PFN4: variants seen among roughly 807,000 people sequenced by gnomAD.
PFN4 encodes profilin family member 4.
Under a neutral mutation model 16.3 loss-of-function variants are expected in PFN4, and 10 were observed. That is an observed-to-expected ratio of 0.61 (90% CI 0.38 to 1.04). The LOEUF (loss-of-function observed/expected upper bound fraction) is 1.04, where lower values mean the gene tolerates loss of function less well. Among genes scored for constraint, PFN4 ranks in the 50% least tolerant of loss-of-function variants. PFN4 has a pLI of 0.01. For synonymous variants in PFN4, 54 were observed against 56.9 expected, an observed-to-expected ratio of 0.95 and a Z score of 0.23; for missense variants, 136 against 153.6, an observed-to-expected ratio of 0.89 and a Z score of 0.61.
intron 4 of PFN4, among the ~76,000 whole-genome samples, chr2:24,117,787 T>A (rs966597370): frequency 1.3e-5 from 2 of 152,180 alleles, no homozygotes; most frequent in African/African-American, 2.4e-5. Context: ...TCACGTATAA[T>A]TTTTTAGATA....
chr2:24,120,777 A>C (rs897530538), intron 3 of PFN4, among the ~76,000 whole-genome samples: 9 of 151,684 alleles, frequency 5.9e-5, no homozygotes, highest in Middle Eastern at 3.4e-3. Flanking sequence ...CTGGTCTTGA[A>C]CTCCTGACCT....
chr2:24,121,099 G>C, intron 3 of PFN4, 64 bp downstream of exon 3: 1 of 1,588,752 alleles, frequency 6.3e-7, no homozygotes, highest in Non-Finnish European at 8.6e-7. Flanking sequence ...ATCAGGCAGA[G>C]CAAGGAAATT....
Position 24,121,886 on chromosome 2 carries a change from C to T in PFN4, c.117+533G>A, listed in dbSNP as rs184503558. 1.0e-3 allele frequency among the ~76,000 whole-genome samples: 157 copies of T among 152,262 alleles called. 1 individual carries two copies. The highest frequency in any genetic ancestry group is 8.8e-4 in the Non-Finnish European group (60 of 68,016). ...AGCAGCCTGAGGCTTTCACAGATGA[C>T]CAGTCTTCCAGGCAGTAGAACTGTG... On this transcript the variant is annotated intron_variant, in intron 2 of 4. Transcript: ENST00000313213.
chr2:24,122,598 G>A, intron 1 of PFN4, 51 bp from the exon 2 acceptor site: 1 of 1,115,992 alleles, frequency 9.0e-7, no homozygotes, highest in Non-Finnish European at 1.4e-6. Flanking sequence ...GCTTTTAAAA[G>A]GCATGTGAAT....
At chr2:24,116,046 C>T (rs768436891) in intron 4 of PFN4, among the ~76,000 whole-genome samples, 5 of 151,940 alleles carry the variant, frequency 3.3e-5, no homozygotes, top group Non-Finnish European at 2.9e-5. Flanking sequence ...AAACTGATTA[C>T]GGCCAAGTGT....
intron 3 of PFN4, 144 bp downstream of exon 3, chr2:24,121,019 C>G: frequency 1.9e-6 from 2 of 1,071,976 alleles, no homozygotes; most frequent in Non-Finnish European, 2.7e-6. Context: ...ATATGTCTTC[C>G]TGGCACTAGA....
chr2:24,121,278 G>T lies in PFN4; in HGVS notation c.140C>A (p.Thr47Lys). 4 of 1,614,148 alleles carry T rather than the reference G, an allele frequency of 2.5e-6. No homozygotes were observed. Among genetic ancestry groups the T allele is most frequent in the Non-Finnish European group, 3.4e-6 (4 of 1,180,030 alleles). Residue 47 changes from threonine to lysine, a missense_variant, in exon 3 of 5, where the codon ACA becomes AAA. Physicochemically the swap from Thr to Lys is moderately conservative, Grantham distance 78. Transcript: ENST00000313213. ...GTTCTTGGCAAATCCATTCACCAGT[G>T]TTCGGACATCACTGGGCGTTACCTG... ...GFNVTPSDVR[T>K]LVNGFAKNPL...
intron 4 of PFN4, among the ~76,000 whole-genome samples, chr2:24,116,148 G>A (rs1440606532): frequency 6.6e-6 from 1 of 151,978 alleles, no homozygotes; most frequent in Non-Finnish European, 1.5e-5. Flanking sequence ...CTAACATGGT[G>A]AAAATTCATC....
rs200145580 is a variant in PFN4, at chr2:24,121,296, G to C, written c.122C>G (p.Thr41Arg). The C allele has an allele frequency of 6.2e-7, 1 of 1,613,964 alleles. No homozygotes were observed. The highest frequency in any genetic ancestry group is 8.5e-7 in the Non-Finnish European group (1 of 1,179,894). ...LCVASPGFNV[T>R]PSDVRTLVNG... ...CACCAGTGTTCGGACATCACTGGGC[G>C]TTACCTGGAGAGGTTACATGGTTAG... Residue 41 changes from threonine to arginine, a missense_variant, in exon 3 of 5, where the codon ACG becomes AGG. Coordinates refer to ENST00000313213, the MANE Select transcript of PFN4 (RefSeq NM_199346.3).
rs978508782 is a variant in PFN4 at position 24,115,248 on chromosome 2, A to G, written c.*335T>C. On this transcript the variant is annotated 3_prime_UTR_variant, in exon 5 of 5. Transcript: ENST00000313213. Reference sequence around the variant, plus strand: ...CTAACCCTGAGAAATGTCTTGGATAAAGAGTGGTGAGAGCCTTGCATTCTT... The same window carrying G: ...CTAACCCTGAGAAATGTCTTGGATAGAGAGTGGTGAGAGCCTTGCATTCTT... 4.1e-6 allele frequency: 1 copy of G among 245,608 alleles called. No homozygotes were observed. Among genetic ancestry groups the G allele is most frequent in the African/African-American group, 2.2e-5 (1 of 45,084 alleles). 15.2% of individuals were successfully genotyped at this position (245,608 alleles called of 1,614,324 possible).
At chr2:24,115,740 C>G in intron 4 of PFN4, 129 bp from the exon 5 acceptor site, 1 of 971,086 alleles carries the variant, frequency 1.0e-6, no homozygotes, top group Non-Finnish European at 1.6e-6. Context: ...GTGCTAGGTA[C>G]TGGAGAAACA....
intron 4 of PFN4, among the ~76,000 whole-genome samples, chr2:24,117,113 C>T (rs755793120): frequency 6.1e-5 from 9 of 148,582 alleles, no homozygotes; most frequent in Non-Finnish European, 1.0e-4. Flanking sequence ...CCTCTCCGTT[C>T]AAGTGATTCT....
chr2:24,116,538 G>A (rs975295591), intron 4 of PFN4, among the ~76,000 whole-genome samples: 2 of 152,024 alleles, frequency 1.3e-5, no homozygotes, highest in Non-Finnish European at 2.9e-5. Context: ...AAGTCACAAC[G>A]TATGCTTAAG....
chr2:24,118,805 G>A (rs758293332), intron 4 of PFN4, among the ~76,000 whole-genome samples: 11 of 152,182 alleles, frequency 7.2e-5, no homozygotes, highest in East Asian at 5.8e-4. Flanking sequence ...CAGGGCACAT[G>A]GTAAGTACCT....
Position 24,122,354 on chromosome 2 carries a change from C to A in PFN4, c.117+65G>T, listed in dbSNP as rs561856131. On this transcript the variant is annotated intron_variant, in intron 2 of 4. Coordinates refer to ENST00000313213, the MANE Select transcript of PFN4 (RefSeq NM_199346.3). The stretch of plus-strand genomic sequence containing the variant: ...AAAAAAAAAAAAGTCATGTCTGCTT[C>A]ATTTTTTGGAAGAATAGAAATAATA... The A allele has an allele frequency of 1.0e-5, 12 of 1,191,704 alleles. No individual in the cohort carries two copies. The African/African-American group carries it at 1.4e-4, about 14-fold the overall frequency. 73.8% of individuals were successfully genotyped at this position (1,191,704 alleles called of 1,614,324 possible). A position where few individuals can be genotyped will look rare whatever the true frequency, so the allele number is the denominator to read the frequency against.
At chr2:24,120,161 C>A (rs922764064) in intron 3 of PFN4, among the ~76,000 whole-genome samples, 1 of 151,886 alleles carries the variant, frequency 6.6e-6, no homozygotes, top group African/African-American at 2.4e-5. Flanking sequence ...CCCAGCTACT[C>A]GGTAAGCTGA....
intron 4 of PFN4, among the ~76,000 whole-genome samples, chr2:24,116,309 CA>C (rs1211971762): frequency 6.6e-6 from 1 of 152,010 alleles, no homozygotes; most frequent in Admixed American, 6.6e-5. Context: ...GCCTGAGCGA[CA>C]GAGCGAAATT....
intron 4 of PFN4, among the ~76,000 whole-genome samples, chr2:24,119,179 C>A (rs181353292): frequency 3.3e-5 from 5 of 152,218 alleles, no homozygotes; most frequent in East Asian, 1.9e-4. Context: ...CTGTCTCCCC[C>A]CTCCCCTATC....
chr2:24,118,045 A>G (rs1052910662), intron 4 of PFN4, among the ~76,000 whole-genome samples: 4 of 152,208 alleles, frequency 2.6e-5, no homozygotes, highest in African/African-American at 9.6e-5. Context: ...CTTTAGTGCC[A>G]GCCACATGAC....
Sources: allele counts gnomAD v4.1 joint callset (sites outside exome capture counted in the v4.1 genomes callset), GRCh38; gene constraint gnomAD v4.1.1; transcripts MANE v1.5; gene names NCBI Gene and HGNC (gene_info 2026-07-23, HGNC 2026-07-21).